Variants in SMURF2 observed in about 807,000 individuals in gnomAD.
SMURF2 encodes the protein SMAD specific E3 ubiquitin protein ligase 2, also known as E3 ubiquitin-protein ligase SMURF2.
Under a neutral mutation model 109.6 loss-of-function variants are expected in SMURF2, and 48 were observed. That is an observed-to-expected ratio of 0.44 (90% CI 0.35 to 0.56). SMURF2 has a LOEUF of 0.56. Among genes scored for constraint, SMURF2 ranks in the 20% least tolerant of loss-of-function variants. SMURF2 has a pLI of 0.01. For missense variants in SMURF2, 575 were observed against 909.0 expected (o/e 0.63, Z 4.72); for synonymous variants, 288 against 317.1 (o/e 0.91, Z 0.97).
At chr17:64,595,974 G>A (rs568667534) in intron 3 of SMURF2, among the ~76,000 whole-genome samples, 21 of 151,930 alleles carry the variant, frequency 1.4e-4, no homozygotes, top group Admixed American at 2.6e-4. Context: ...CACCAACCAC[G>A]AGACCCTTGA....
chr17:64,650,689 G>C (rs1159194955), intron 1 of SMURF2, among the ~76,000 whole-genome samples: 1 of 152,028 alleles, frequency 6.6e-6, no homozygotes, highest in Non-Finnish European at 1.5e-5. Flanking sequence ...AATTAGCTGG[G>C]TGTAGTGGCA....
chr17:64,604,321 A>C (rs1969940162), intron 2 of SMURF2, among the ~76,000 whole-genome samples: 1 of 152,172 alleles, frequency 6.6e-6, no homozygotes, highest in Non-Finnish European at 1.5e-5. Flanking sequence ...TCCCTAAAGC[A>C]AGTTCACACT....
chr17:64,601,982 A>G lies in SMURF2; in HGVS notation c.92-3492T>C, dbSNP rs557378033. Among the ~76,000 whole-genome samples, 128 of 151,454 alleles carry G rather than the reference A, an allele frequency of 8.5e-4. 1 individual carries two copies. The highest frequency in any genetic ancestry group is 1.0e-3 in the Non-Finnish European group (70 of 67,852). On this transcript the variant is annotated intron_variant, in intron 2 of 18. Coordinates refer to ENST00000262435, the MANE Select transcript of SMURF2 (RefSeq NM_022739.4). ...ACACACACACACCACATATACATACATACACCATGGAATACTACTCAGCCA... is the reference window on the plus strand; with the variant it reads ...ACACACACACACCACATATACATACGTACACCATGGAATACTACTCAGCCA...
At chr17:64,650,006 G>GTA (rs1191053835) in intron 1 of SMURF2, among the ~76,000 whole-genome samples, 7 of 151,772 alleles carry the variant, frequency 4.6e-5, no homozygotes, top group African/African-American at 1.7e-4. Flanking sequence ...TAAAAGACAT[G>GTA]TATCATTTAA....
chr17:64,659,446 C>G (rs1216201702), intron 1 of SMURF2, among the ~76,000 whole-genome samples: 1 of 150,498 alleles, frequency 6.6e-6, no homozygotes, highest in Non-Finnish European at 1.5e-5. Context: ...CAACCCAGAT[C>G]TAAATGAACT....
intron 2 of SMURF2, among the ~76,000 whole-genome samples, chr17:64,603,117 G>GA (rs782256209): frequency 1.0e-3 from 142 of 140,030 alleles, no homozygotes; most frequent in Middle Eastern, 3.7e-3. Context: ...ATTGGGCCAA[G>GA]AAAAAAAAAA....
chr17:64,631,302 GAGAGAGAGAGAGAGAGAGAGAGAGAC>G (rs1970343503), intron 1 of SMURF2, among the ~76,000 whole-genome samples: 5 of 120,192 alleles, frequency 4.2e-5, no homozygotes, highest in African/African-American at 1.9e-4. Context: ...GAGAGAGAGA[GAGAGAGAGAGAGAGAGAGAGAGAGAC>G]AGAGAGAGAG....
intron 1 of SMURF2, among the ~76,000 whole-genome samples, chr17:64,615,265 A>AG (rs1970106179): frequency 6.6e-6 from 1 of 152,094 alleles, no homozygotes; most frequent in Non-Finnish European, 1.5e-5. Context: ...ACTGCTTGAG[A>AG]GAAAAAAAAA....
Position 64,662,060 on chromosome 17 carries a change from G to C in SMURF2, c.-180C>G. ...TGAGCCGCGGAGGGAGCGGGACGCC[G>C]AGCTCCCCCCTCCTCCCACTTCTCC... On this transcript the variant is annotated 5_prime_UTR_variant, in exon 1 of 19. Transcript: ENST00000262435. The C allele has an allele frequency of 9.1e-7, 1 of 1,104,160 alleles. No individual in the cohort carries two copies. Among genetic ancestry groups the C allele is most frequent in the Non-Finnish European group, 1.1e-6 (1 of 906,512 alleles). The allele number at this position is 1,104,160 out of a possible 1,614,324, so 68.4% of individuals were successfully genotyped here.
chr17:64,661,428 G>T (rs1286454071), intron 1 of SMURF2, among the ~76,000 whole-genome samples: 1 of 152,072 alleles, frequency 6.6e-6, no homozygotes, highest in African/African-American at 2.4e-5. Flanking sequence ...TTTACTGCGC[G>T]CAGTCAGCAA....
In SMURF2 at chr17:64,645,615, A is replaced by C. The variant is rs574706838; in HGVS notation, c.52+16214T>G. 7.9e-5 allele frequency among the ~76,000 whole-genome samples: 12 copies of C among 152,322 alleles called. No individual in the cohort carries two copies. The South Asian group carries it at 2.5e-3, about 32-fold the overall frequency. ...AGTGGGGAGGAAGACAAGGAAGAGA[A>C]TAATTGGACATGCATGTCTCCTTTT... On this transcript the variant is annotated intron_variant, in intron 1 of 18. Transcript: ENST00000262435.
At chr17:64,574,383 A>G (rs1377904166) in intron 9 of SMURF2, among the ~76,000 whole-genome samples, 2 of 152,362 alleles carry the variant, frequency 1.3e-5, no homozygotes, top group African/African-American at 4.8e-5. Context: ...TCAGTATGCA[A>G]TATAACAAAT....
chr17:64,651,300 G>A (rs369555089), intron 1 of SMURF2, among the ~76,000 whole-genome samples: 17 of 152,024 alleles, frequency 1.1e-4, no homozygotes, highest in African/African-American at 3.4e-4. Context: ...AAAGCTGGGC[G>A]CGGTGGCTCA....
At chr17:64,661,750 C>T in intron 1 of SMURF2, 79 bp downstream of exon 1, 1 of 1,062,346 alleles carries the variant, frequency 9.4e-7, no homozygotes, top group South Asian at 4.6e-5. Flanking sequence ...GCGACCCTGG[C>T]CCTTCCCAAG....
chr17:64,547,633 G>A lies in SMURF2; in HGVS notation c.2038C>T (p.Arg680Ter), dbSNP rs1555683255. 2 of 1,613,486 alleles carry A rather than the reference G, an allele frequency of 1.2e-6. No individual in the cohort carries two copies. Among genetic ancestry groups the A allele is most frequent in the Non-Finnish European group, 1.7e-6 (2 of 1,179,968 alleles). Residue 680 changes from arginine (R) to a stop codon, truncating the protein, a stop_gained, in exon 17 of 19, where the codon CGA (arginine) becomes TGA (stop). Transcript: ENST00000262435. LOFTEE classifies it high-confidence loss of function. This position sits in a 1 kb window ranked among gnomAD's most constrained non-coding sequence, Gnocchi z 4.2. Reference sequence around the variant, plus strand: ...GCTTTGAAGCCCTGCAGAGGCACTCGAGAGGATCCTGTCACAAACTGAAGC... The same window carrying A: ...GCTTTGAAGCCCTGCAGAGGCACTCAAGAGGATCCTGTCACAAACTGAAGC... ...RLLQFVTGSSRVPLQGFKALQ... is the reference protein window; with the variant it reads ...RLLQFVTGSS
intron 1 of SMURF2, among the ~76,000 whole-genome samples, chr17:64,654,825 G>A (rs576680680): frequency 1.6e-4 from 24 of 152,070 alleles, no homozygotes; most frequent in Non-Finnish European, 2.6e-4. Flanking sequence ...GCAAAACTCA[G>A]TATCAAAAAA....
intron 7 of SMURF2, among the ~76,000 whole-genome samples, chr17:64,583,213 C>A (rs1477244586): frequency 3.3e-5 from 5 of 152,110 alleles, no homozygotes; most frequent in South Asian, 2.1e-4. Context: ...AGCCACCACG[C>A]CCTGCCTCAT....
At position 64,547,672 on chromosome 17, in the gene SMURF2, G is replaced by A. The variant is rs1968978277; in HGVS notation, c.1999C>T (p.Arg667Ter). Reference sequence around the variant, plus strand: ...ACAAACTGAAGCAATCTTGCTCGTCGCTCTTCATCAAAAAACTCCACAGCT... The same window carrying A: ...ACAAACTGAAGCAATCTTGCTCGTCACTCTTCATCAAAAAACTCCACAGCT... ...WKAVEFFDEE[R>*]RARLLQFVTG... is the part of the protein sequence containing the mutation. Residue 667 changes from arginine (R) to a stop codon, truncating the protein, a stop_gained, in exon 17 of 19, where the codon CGA becomes TGA. Transcript: ENST00000262435. LOFTEE classifies it high-confidence loss of function. The surrounding 1 kb of genome is among the most constrained non-coding windows in gnomAD (Gnocchi z 4.2). The A allele has an allele frequency of 1.2e-6, 2 of 1,613,938 alleles. No individual in the cohort carries two copies. Among genetic ancestry groups the A allele is most frequent in the Non-Finnish European group, 8.5e-7 (1 of 1,180,010 alleles).
intron 1 of SMURF2, among the ~76,000 whole-genome samples, chr17:64,628,606 C>A (rs782109922): frequency 1.3e-5 from 2 of 152,162 alleles, no homozygotes; most frequent in African/African-American, 2.4e-5. Context: ...TACACTCCCA[C>A]AATGCCTTAG....
Sources: gnomAD v4.1 joint callset for allele counts (sites outside exome capture counted in the v4.1 genomes callset) on GRCh38, gnomAD v4.1.1 for gene constraint, Gnocchi (gnomAD v3.1) non-coding constraint, MANE v1.5 for transcripts, NCBI Gene and HGNC (gene_info 2026-07-23, HGNC 2026-07-21) for gene names.